The following PPP1R12A variants were observed in gnomAD, a reference collection of about 807,000 sequenced individuals.
PPP1R12A encodes the protein myosin binding subunit.
Under a neutral mutation model 139.6 loss-of-function variants are expected in PPP1R12A, and 19 were observed. The ratio of observed to expected loss-of-function variants is 0.14; its 90% confidence interval spans 0.09 to 0.20. PPP1R12A has a LOEUF of 0.20. Among genes scored for constraint, PPP1R12A ranks in the 10% least tolerant of loss-of-function variants. The pLI is 1.00. For missense variants in PPP1R12A, 925 were observed against 1,211.5 expected (o/e 0.76, Z 3.51); for synonymous variants, 427 against 420.6 (o/e 1.02, Z -0.19).
At chr12:79,883,207 A>T (rs534707981) in intron 1 of PPP1R12A, among the ~76,000 whole-genome samples, 1 of 152,214 alleles carries the variant, frequency 6.6e-6, no homozygotes, top group South Asian at 2.1e-4. Flanking sequence ...CTGAAGGCTC[A>T]TATAATCACT....
At chr12:79,871,227 A>T (rs1257094462) in intron 2 of PPP1R12A, among the ~76,000 whole-genome samples, 1 of 152,208 alleles carries the variant, frequency 6.6e-6, no homozygotes, top group Non-Finnish European at 1.5e-5. Flanking sequence ...ATTATTCTTT[A>T]GGTCATTTTA....
intron 2 of PPP1R12A, among the ~76,000 whole-genome samples, chr12:79,846,230 T>C (rs1283543226): frequency 1.3e-5 from 2 of 152,220 alleles, no homozygotes; most frequent in African/African-American, 4.8e-5. Context: ...TCCAATATAA[T>C]TGGCTTCTGT....
chr12:79,918,550 G>A (rs1887181579), intron 1 of PPP1R12A, among the ~76,000 whole-genome samples: 1 of 152,082 alleles, frequency 6.6e-6, no homozygotes, highest in Non-Finnish European at 1.5e-5. Flanking sequence ...GAAAACAGGT[G>A]CATGCACATC....
intron 1 of PPP1R12A, among the ~76,000 whole-genome samples, chr12:79,890,962 CTCTT>C (rs1221403343): frequency 1.4e-4 from 21 of 149,498 alleles, no homozygotes; most frequent in East Asian, 1.2e-3. Flanking sequence ...CTCTCTCTCT[CTCTT>C]TCTCTCTCTC....
chr12:79,902,274 A>G (rs887660597), intron 1 of PPP1R12A, among the ~76,000 whole-genome samples: 1 of 152,152 alleles, frequency 6.6e-6, no homozygotes, highest in Non-Finnish European at 1.5e-5. Flanking sequence ...GTTACTAATA[A>G]TATCAGTACC....
chr12:79,923,487 T>C (rs902049554), intron 1 of PPP1R12A, among the ~76,000 whole-genome samples: 1 of 152,180 alleles, frequency 6.6e-6, no homozygotes, highest in African/African-American at 2.4e-5. Context: ...AAATACATAA[T>C]GTTTCAAAAC....
intron 1 of PPP1R12A, among the ~76,000 whole-genome samples, chr12:79,918,004 C>G (rs1200544131): frequency 6.6e-6 from 1 of 152,016 alleles, no homozygotes; most frequent in Non-Finnish European, 1.5e-5. Flanking sequence ...TCCAACAGTT[C>G]TGTGATCCAC....
At position 79,798,568 on chromosome 12, in the gene PPP1R12A, C is replaced by T; in HGVS notation, c.2017G>A (p.Val673Ile). 6.4e-7 allele frequency: 1 copy of T among 1,561,968 alleles called. No homozygotes were observed. Among genetic ancestry groups the T allele is most frequent in the Admixed American group, 1.9e-5 (1 of 53,888 alleles). The stretch of plus-strand genomic sequence containing the variant: ...TGGGATTCAGACTCTTCATCCCTAA[C>T]AGGAGTGAGGTATGATCTACAGTAG... ...RERRRSYLTP[V>I]RDEESESQRK... The change falls in exon 15 of 25, where the codon GTT (valine) becomes ATT (isoleucine). Residue 673 changes from valine to isoleucine, a missense_variant. Val to Ile is a conservative substitution (Grantham distance 29). Transcript: ENST00000450142.
At chr12:79,837,564 C>G (rs930598845) in intron 3 of PPP1R12A, among the ~76,000 whole-genome samples, 10 of 152,116 alleles carry the variant, frequency 6.6e-5, no homozygotes, top group Non-Finnish European at 1.5e-4. Context: ...TGTGTTCTCA[C>G]CCAAATCTCA....
intron 1 of PPP1R12A, among the ~76,000 whole-genome samples, chr12:79,904,113 G>A (rs1032898832): frequency 6.6e-6 from 1 of 152,010 alleles, no homozygotes; most frequent in African/African-American, 2.4e-5. Context: ...TACTCGGGAG[G>A]CTGAAGCAGG....
Position 79,864,521 on chromosome 12 carries a change from A to G in PPP1R12A, c.368+8287T>C, listed in dbSNP as rs528558356. Among the ~76,000 whole-genome samples, 14 of 152,316 alleles carry G rather than the reference A, an allele frequency of 9.2e-5. No homozygotes were observed. The South Asian group carries it at 2.7e-3, about 29-fold the overall frequency. ...GAACTGAAGAAGACAGAGACAGAAA[A>G]AAAACCCTTCAAAAAAATCAATGGC... On this transcript the variant is annotated intron_variant, in intron 2 of 24. Coordinates refer to ENST00000450142, the MANE Select transcript of PPP1R12A (RefSeq NM_002480.3).
Position 79,806,452 on chromosome 12 carries a change from A to G in PPP1R12A, c.1656-119T>C, listed in dbSNP as rs977446548. ...AAATTTAAAAACTGTGTTCCTAAAT[A>G]CACCACCAGCTCCAGCACCAAGAGT... On this transcript the variant is annotated intron_variant, in intron 12 of 24. Transcript: ENST00000450142. 29 of 833,172 alleles carry G rather than the reference A, an allele frequency of 3.5e-5. No homozygotes were observed. In the South Asian group the frequency reaches 6.1e-4, roughly 18 times the overall value. 51.6% of individuals were successfully genotyped at this position (833,172 alleles called of 1,614,324 possible).
At position 79,895,102 on chromosome 12, in the gene PPP1R12A, A is replaced by C. The variant is rs144607029; in HGVS notation, c.238-22164T>G. ...GTTCTATGAGTAATGATTATTTCCC[A>C]GATATTTTTAAGTCATAAAGTTTCC... On this transcript the variant is annotated intron_variant, in intron 1 of 24. Transcript: ENST00000450142. 1.6e-3 allele frequency among the ~76,000 whole-genome samples: 241 copies of C among 152,214 alleles called. 1 individual carries two copies. The highest frequency in any genetic ancestry group is 5.6e-3 in the African/African-American group (234 of 41,572).
chr12:79,926,793 C>A (rs76434803), intron 1 of PPP1R12A, among the ~76,000 whole-genome samples: 2,347 of 151,928 alleles, frequency 0.015, 41 homozygotes, highest in African/African-American at 0.043. Flanking sequence ...GGGACTTCTT[C>A]CCCCCCACCC....
At chr12:79,799,918 A>G (rs1238073899) in intron 14 of PPP1R12A, among the ~76,000 whole-genome samples, 1 of 152,040 alleles carries the variant, frequency 6.6e-6, no homozygotes, top group Non-Finnish European at 1.5e-5. Flanking sequence ...CTGAGATGAG[A>G]GGATCACCTG....
At chr12:79,835,559 C>T (rs550469541) in intron 3 of PPP1R12A, among the ~76,000 whole-genome samples, 2 of 152,288 alleles carry the variant, frequency 1.3e-5, no homozygotes, top group East Asian at 1.9e-4. Flanking sequence ...ATGTCTCACA[C>T]TTTGACTACT....
intron 14 of PPP1R12A, among the ~76,000 whole-genome samples, chr12:79,799,408 A>T (rs906833085): frequency 3.9e-5 from 6 of 152,136 alleles, no homozygotes; most frequent in African/African-American, 1.4e-4. Flanking sequence ...TCTCGACCTC[A>T]GAGGGTGTTG....
At chr12:79,890,894 C>CA (rs1491529665) in intron 1 of PPP1R12A, among the ~76,000 whole-genome samples, 77 of 99,936 alleles carry the variant, frequency 7.7e-4, no homozygotes, top group African/African-American at 2.7e-3. Flanking sequence ...ACACCACCCA[C>CA]CCACACCCAC....
chr12:79,870,518 C>T (rs1445562338), intron 2 of PPP1R12A, among the ~76,000 whole-genome samples: 1 of 152,134 alleles, frequency 6.6e-6, no homozygotes, highest in African/African-American at 2.4e-5. Flanking sequence ...TAAAAACAGT[C>T]ATTATTTTAA....
Sources: gnomAD v4.1 joint callset for allele counts (sites outside exome capture counted in the v4.1 genomes callset) on GRCh38, gnomAD v4.1.1 for gene constraint, MANE v1.5 for transcripts, NCBI Gene and HGNC (gene_info 2026-07-23, HGNC 2026-07-21) for gene names.